The following MBNL1 variants were observed in gnomAD, a reference collection of about 807,000 sequenced individuals.
MBNL1 encodes the protein muscleblind-like protein 1.
A neutral mutation model predicts 42.2 loss-of-function variants in MBNL1; 8 were observed. The observed-to-expected ratio is 0.19, with a 90% CI of 0.11 to 0.34. The LOEUF is 0.34. Ranked by LOEUF, MBNL1 falls within the 10% of genes least tolerant of loss-of-function variation. MBNL1 has a pLI of 1.00. For synonymous variants in MBNL1, 169 were observed against 173.9 expected (o/e 0.97, Z 0.22); for missense variants, 309 against 495.3 (o/e 0.62, Z 3.57).
intron 2 of MBNL1, among the ~76,000 whole-genome samples, chr3:152,392,840 A>G (rs1327701240): frequency 6.6e-6 from 1 of 152,212 alleles, no homozygotes; most frequent in Non-Finnish European, 1.5e-5. Context: ...TTTATATGAG[A>G]TGTAAAAATA....
intron 8 of MBNL1, 148 bp downstream of exon 8, chr3:152,456,509 T>C: frequency 1.5e-6 from 1 of 659,234 alleles, no homozygotes; most frequent in East Asian, 2.7e-5. Flanking sequence ...GCATGGGGTT[T>C]CAAAGATACC....
chr3:152,419,625 G>A (rs901688679), intron 3 of MBNL1, among the ~76,000 whole-genome samples: 57 of 152,324 alleles, frequency 3.7e-4, no homozygotes, highest in Non-Finnish European at 6.5e-4. Flanking sequence ...CAGGGCCCTG[G>A]CTTTCAGGCA....
At chr3:152,458,118 A>T (rs1036568525) in intron 8 of MBNL1, 1 of 1,613,328 alleles carries the variant, frequency 6.2e-7, no homozygotes, top group African/African-American at 1.3e-5. Context: ...GGTCCTTGGT[A>T]TGTTTCGACA....
chr3:152,407,452 T>C (rs2098460553), intron 2 of MBNL1, among the ~76,000 whole-genome samples: 1 of 152,104 alleles, frequency 6.6e-6, no homozygotes, highest in African/African-American at 2.4e-5. Flanking sequence ...TTTCACCTTC[T>C]GTGGGGATGC....
chr3:152,311,849 G>T (rs2066703643), intron 2 of MBNL1, among the ~76,000 whole-genome samples: 1 of 151,602 alleles, frequency 6.6e-6, no homozygotes, highest in Non-Finnish European at 1.5e-5. Context: ...AAATTTCTGG[G>T]CATACTGGGT....
intron 2 of MBNL1, among the ~76,000 whole-genome samples, chr3:152,260,642 T>A (rs900816557): frequency 6.6e-6 from 1 of 152,150 alleles, no homozygotes; most frequent in Non-Finnish European, 1.5e-5. Flanking sequence ...AGGGGGTGCT[T>A]ATAATCACAA....
At position 152,464,582 on chromosome 3, in the gene MBNL1, CTG is replaced by C. The variant is rs1366960446; in HGVS notation, c.*2218_*2219del. On this transcript the variant is annotated 3_prime_UTR_variant, in exon 10 of 10. Coordinates refer to ENST00000324210, the MANE Select transcript of MBNL1 (RefSeq NM_021038.5). Reference sequence around the variant, plus strand: ...ATATTAGAATAAAATTTATTTTCTACTGTATCCATTTCAAATGTTAAAATATT... The same window carrying C: ...ATATTAGAATAAAATTTATTTTCTACTATCCATTTCAAATGTTAAAATATT... The C allele has an allele frequency of 2.0e-5, 3 of 152,538 alleles. No individual in the cohort carries two copies. Among genetic ancestry groups the C allele is most frequent in the African/African-American group, 7.2e-5 (3 of 41,426 alleles). 9.4% of individuals were successfully genotyped at this position (152,538 alleles called of 1,614,324 possible). A position where few individuals can be genotyped will look rare whatever the true frequency, so the allele number is the denominator to read the frequency against.
intron 3 of MBNL1, among the ~76,000 whole-genome samples, chr3:152,426,637 T>C (rs1482921445): frequency 6.6e-6 from 1 of 152,188 alleles, no homozygotes; most frequent in Non-Finnish European, 1.5e-5. Context: ...CTTTGCATGA[T>C]ATCTGGAGTT....
At chr3:152,303,916 C>T (rs962909022) in intron 2 of MBNL1, among the ~76,000 whole-genome samples, 5 of 152,012 alleles carry the variant, frequency 3.3e-5, no homozygotes, top group African/African-American at 4.8e-5. Context: ...GTCACTTGTT[C>T]CTTTATCAAA....
intron 1 of MBNL1, among the ~76,000 whole-genome samples, chr3:152,280,770 A>G (rs753936487): frequency 1.4e-4 from 22 of 152,118 alleles, no homozygotes; most frequent in Non-Finnish European, 2.4e-4. Context: ...TGAAAGTGCA[A>G]CTGTGCATAT....
chr3:152,254,016 C>T (rs1052573089), intron 2 of MBNL1, among the ~76,000 whole-genome samples: 1 of 152,070 alleles, frequency 6.6e-6, no homozygotes, highest in Non-Finnish European at 1.5e-5. Context: ...GTTCATGTTA[C>T]CTTTACATTT....
intron 2 of MBNL1, among the ~76,000 whole-genome samples, chr3:152,248,791 C>T (rs1032635081): frequency 6.6e-6 from 1 of 151,528 alleles, no homozygotes; most frequent in African/African-American, 2.4e-5. Context: ...CAACAGTCCC[C>T]AGAGTGTGAT....
chr3:152,336,618 G>A (rs545794310), intron 2 of MBNL1, among the ~76,000 whole-genome samples: 1 of 152,232 alleles, frequency 6.6e-6, no homozygotes, highest in African/African-American at 2.4e-5. Context: ...TAACTGCTTA[G>A]GCAGTACTTA....
At chr3:152,260,927 G>C (rs181030463) in intron 2 of MBNL1, among the ~76,000 whole-genome samples, 107 of 152,256 alleles carry the variant, frequency 7.0e-4, no homozygotes, top group Non-Finnish European at 1.3e-3. Flanking sequence ...ATGCATATGG[G>C]CACCAGCCTA....
chr3:152,371,647 A>C, intron 2 of MBNL1, among the ~76,000 whole-genome samples: 1 of 152,182 alleles, frequency 6.6e-6, no homozygotes, highest in East Asian at 1.9e-4. Flanking sequence ...TCTGGCTTGT[A>C]GTGTTTCCGC....
chr3:152,307,532 T>C (rs1056212845), intron 2 of MBNL1, among the ~76,000 whole-genome samples: 6 of 152,272 alleles, frequency 3.9e-5, no homozygotes, highest in Non-Finnish European at 7.3e-5. Flanking sequence ...TTTTCATTTT[T>C]TTCATAGTAT....
intron 2 of MBNL1, among the ~76,000 whole-genome samples, chr3:152,327,608 C>CA (rs1324485259): frequency 6.6e-6 from 1 of 152,184 alleles, no homozygotes; most frequent in Non-Finnish European, 1.5e-5. Flanking sequence ...CTTGGCCTCC[C>CA]AAAGTGCTGG....
rs74668870 is a variant in MBNL1 at position 152,272,225 on chromosome 3, G to A, written c.-790+3133G>A. 6.8e-3 allele frequency among the ~76,000 whole-genome samples: 1,041 copies of A among 152,168 alleles called. 7 individuals are homozygous for A. Among genetic ancestry groups the A allele is most frequent in the Non-Finnish European group, 0.01 (685 of 67,966 alleles). ...AAATTGGCTTATTTTATTATACATA[G>A]AAATACCTCGTCTTTCTTATCCATT... On this transcript the variant is annotated intron_variant, in intron 1 of 9. Coordinates refer to ENST00000324210, the MANE Select transcript of MBNL1 (RefSeq NM_021038.5).
chr3:152,264,524 CA>C (rs1329356652), upstream of MBNL1: 1 of 151,606 alleles, frequency 6.6e-6, no homozygotes, highest in Non-Finnish European at 1.5e-5. Context: ...AAAAAAAAGA[CA>C]ATGAAAATGA....
Sources: gnomAD v4.1 joint callset for allele counts (sites outside exome capture counted in the v4.1 genomes callset) on GRCh38, gnomAD v4.1.1 for gene constraint, MANE v1.5 for transcripts, NCBI Gene and HGNC (gene_info 2026-07-23, HGNC 2026-07-21) for gene names.